NRXN1: variants seen among roughly 807,000 people sequenced by gnomAD.
NRXN1 encodes neurexin 1, also known as neurexin-1.
A neutral mutation model predicts 150.9 loss-of-function variants in NRXN1; 39 were observed. That is an observed-to-expected ratio of 0.26 (90% CI 0.20 to 0.34). The LOEUF (loss-of-function observed/expected upper bound fraction) is 0.34, where lower values mean the gene tolerates loss of function less well. NRXN1 is among the 10% of genes least tolerant of loss of function. NRXN1 has a pLI of 1.00. For synonymous variants in NRXN1, 924 were observed against 757.0 expected, an observed-to-expected ratio of 1.22 and a Z score of -3.62; for missense variants, 1,815 against 1,949.9, an observed-to-expected ratio of 0.93 and a Z score of 1.30.
In NRXN1 at chr2:50,666,642, G is replaced by A. The variant is rs896341439; in HGVS notation, c.833-43027C>T. On this transcript the variant is annotated intron_variant, in intron 5 of 22. Coordinates refer to ENST00000401669, the MANE Select transcript of NRXN1 (RefSeq NM_001330078.2). ...GAGTGTTTGCTTCATGGGAATAAAT[G>A]ATTGTATTGGGATGTTTATATGGCT... is the stretch of plus-strand genomic sequence containing the variant. 7.2e-5 allele frequency among the ~76,000 whole-genome samples: 11 copies of A among 151,862 alleles called. No individual in the cohort carries two copies. In the South Asian group the frequency reaches 1.0e-3, roughly 14 times the overall value.
intron 5 of NRXN1, among the ~76,000 whole-genome samples, chr2:50,804,461 C>T (rs1667250638): frequency 1.3e-5 from 2 of 152,142 alleles, no homozygotes; most frequent in African/African-American, 4.8e-5. Flanking sequence ...ATAGGAAACA[C>T]ATGTCAGAGC....
intron 21 of NRXN1, among the ~76,000 whole-genome samples, chr2:49,975,946 TGTGTATA>T (rs1558619409): frequency 6.6e-6 from 1 of 152,032 alleles, no homozygotes. Flanking sequence ...AAATTTAAAT[TGTGTATA>T]GGCTATACTT....
At chr2:50,450,980 A>T (rs1398753910) in intron 17 of NRXN1, among the ~76,000 whole-genome samples, 1 of 152,118 alleles carries the variant, frequency 6.6e-6, no homozygotes, top group African/African-American at 2.4e-5. Flanking sequence ...AAAATTTCAC[A>T]ATATTTTGTT....
chr2:50,418,153 TG>T (rs1188738340), intron 17 of NRXN1, among the ~76,000 whole-genome samples: 1 of 151,966 alleles, frequency 6.6e-6, no homozygotes, highest in Non-Finnish European at 1.5e-5. Context: ...ATTTAGGAGA[TG>T]AAACAAGTGA....
intron 5 of NRXN1, among the ~76,000 whole-genome samples, chr2:50,635,211 G>A (rs958570392): frequency 8.6e-5 from 13 of 151,426 alleles, no homozygotes; most frequent in African/African-American, 2.4e-4. Flanking sequence ...AGGCTGGAGT[G>A]CAGTGGCGCG....
intron 21 of NRXN1, among the ~76,000 whole-genome samples, chr2:49,975,461 C>G (rs1051423417): frequency 6.6e-6 from 1 of 151,988 alleles, no homozygotes; most frequent in African/African-American, 2.4e-5. Flanking sequence ...GCTGAAATTC[C>G]AAAGCTCAAT....
intron 12 of NRXN1, 83 bp from the exon 13 acceptor site, chr2:50,506,700 A>T: frequency 7.2e-7 from 1 of 1,382,772 alleles, no homozygotes; most frequent in Admixed American, 1.9e-5. Context: ...AGAAAGAGAC[A>T]AGGGGGGAAG....
intron 2 of NRXN1, among the ~76,000 whole-genome samples, chr2:50,988,750 C>T (rs1698095596): frequency 1.3e-5 from 2 of 152,060 alleles, no homozygotes; most frequent in South Asian, 4.1e-4. Flanking sequence ...GCGTTAGCAG[C>T]TGCTGTACCT....
At chr2:50,919,948 A>T in intron 5 of NRXN1, 1 of 340,848 alleles carries the variant, frequency 2.9e-6, no homozygotes, top group South Asian at 2.3e-5. Flanking sequence ...CACTCTGTGG[A>T]TGCCATGTCA....
intron 8 of NRXN1, among the ~76,000 whole-genome samples, chr2:50,553,512 A>G (rs1005883241): frequency 1.9e-4 from 29 of 152,322 alleles, no homozygotes; most frequent in Admixed American, 5.2e-4. Flanking sequence ...TATTATCTAT[A>G]TATCTGCTGT....
intron 12 of NRXN1, chr2:50,506,848 C>T: frequency 1.9e-6 from 1 of 516,552 alleles, no homozygotes; most frequent in African/African-American, 1.9e-5. Context: ...ACAACTTTTA[C>T]AAACATTCAG....
intron 8 of NRXN1, among the ~76,000 whole-genome samples, chr2:50,573,013 C>G (rs72884040): frequency 0.068 from 10,290 of 152,118 alleles, 563 homozygotes; most frequent in African/African-American, 0.15. Flanking sequence ...AATTGAAATA[C>G]AATTGGATAA....
chr2:50,217,620 G>T (rs1574546965), intron 18 of NRXN1, among the ~76,000 whole-genome samples: 1 of 151,922 alleles, frequency 6.6e-6, no homozygotes, highest in Non-Finnish European at 1.5e-5. Context: ...TATAACAGGG[G>T]ACCTAAAGAA....
intron 5 of NRXN1, among the ~76,000 whole-genome samples, chr2:50,650,115 T>C (rs1017501213): frequency 3.9e-5 from 6 of 152,050 alleles, no homozygotes; most frequent in African/African-American, 7.2e-5. Context: ...GCAGATGCCA[T>C]AGAAATGTCT....
intron 21 of NRXN1, among the ~76,000 whole-genome samples, chr2:49,945,677 G>A (rs995644361): frequency 1.3e-5 from 2 of 152,026 alleles, no homozygotes; most frequent in Admixed American, 6.6e-5. Context: ...TGAGAATGGT[G>A]GTTTCCAGCT....
intron 5 of NRXN1, among the ~76,000 whole-genome samples, chr2:50,684,912 G>A (rs1454762327): frequency 6.6e-6 from 1 of 152,098 alleles, no homozygotes; most frequent in Non-Finnish European, 1.5e-5. Flanking sequence ...ATATCATCCT[G>A]TCCTTGTTAA....
intron 13 of NRXN1, 98 bp from the exon 14 acceptor site, chr2:50,497,812 C>G: frequency 4.5e-6 from 5 of 1,103,308 alleles, no homozygotes; most frequent in Non-Finnish European, 6.5e-6. Context: ...TACAAGGAGC[C>G]AAATCCCTCC....
intron 19 of NRXN1, among the ~76,000 whole-genome samples, chr2:50,077,200 G>C (rs78784548): frequency 6.6e-6 from 1 of 152,144 alleles, no homozygotes. Context: ...CAGACTGCAT[G>C]TCTAACTTAT....
chr2:50,913,087 T>G (rs1478399367), intron 5 of NRXN1: 1 of 151,856 alleles, frequency 6.6e-6, no homozygotes, highest in Non-Finnish European at 1.5e-5. Context: ...GCATTTCTGC[T>G]GACTGCCAGA....
Sources: gnomAD v4.1 joint callset for allele counts (sites outside exome capture counted in the v4.1 genomes callset) on GRCh38, gnomAD v4.1.1 for gene constraint, MANE v1.5 for transcripts, NCBI Gene and HGNC (gene_info 2026-07-23, HGNC 2026-07-21) for gene names.